Variants in SERPINA9 observed in about 807,000 individuals in gnomAD.
SERPINA9 encodes the protein serpin A9.
SERPINA9 carries 32 observed loss-of-function variants against 24.5 expected under a neutral mutation model. That is an observed-to-expected ratio of 1.30 (90% CI 0.98 to 1.75). The LOEUF (loss-of-function observed/expected upper bound fraction) is 1.75. Among genes scored for constraint, SERPINA9 ranks in the 40% most tolerant of loss-of-function variants. The pLI is 0.00. For missense variants in SERPINA9, 594 were observed against 497.1 expected (o/e 1.19, Z -1.85); for synonymous variants, 233 against 197.7 (o/e 1.18, Z -1.50).
At chr14:94,467,593 G>C (rs76390590) in intron 2 of SERPINA9, among the ~76,000 whole-genome samples, 1 of 152,186 alleles carries the variant, frequency 6.6e-6, no homozygotes, top group Non-Finnish European at 1.5e-5. Flanking sequence ...CATGTGAATT[G>C]TATTTCAATT....
In SERPINA9 at chr14:94,469,263, C is replaced by A; in HGVS notation, c.578G>T (p.Gly193Val). Reference protein sequence around the residue: ...TQGKVVDIIQGLDLLTAMVLV... With the variant: ...TQGKVVDIIQVLDLLTAMVLV... ...AACCATGGCCGTCAGAAGGTCAAGG[C>A]CTTGGATTATGTCTACAACCTTCCC... The change falls in exon 2 of 5, where the codon GGC (glycine) becomes GTC (valine). Residue 193 changes from glycine (G) to valine (V), a missense_variant. Physicochemically the swap from Gly to Val is moderately radical, Grantham distance 109. Coordinates refer to ENST00000674397, the MANE Select transcript of SERPINA9 (RefSeq NM_175739.4). The A allele has an allele frequency of 6.2e-7, 1 of 1,614,008 alleles. No homozygotes were observed. The highest frequency in any genetic ancestry group is 8.5e-7 in the Non-Finnish European group (1 of 1,180,020).
chr14:94,476,166 C>G lies in SERPINA9; in HGVS notation c.-48G>C, dbSNP rs1899641930. The G allele has an allele frequency of 6.2e-7, 1 of 1,614,174 alleles. No individual in the cohort carries two copies. Among genetic ancestry groups the G allele is most frequent in the Non-Finnish European group, 8.5e-7 (1 of 1,180,040 alleles). On this transcript the variant is annotated 5_prime_UTR_variant, in exon 1 of 5. Transcript: ENST00000674397. ...CAGGTTCCTCTTCTCCTGCCCTGTC[C>G]TTGCATGGTTGGTGAGCCCTGACAC...
At chr14:94,473,163 C>T (rs763421795) in intron 1 of SERPINA9, among the ~76,000 whole-genome samples, 3 of 152,204 alleles carry the variant, frequency 2.0e-5, no homozygotes, top group Non-Finnish European at 4.4e-5. Flanking sequence ...GGAAAAGTGC[C>T]CAATGTATGG....
intron 1 of SERPINA9, among the ~76,000 whole-genome samples, chr14:94,472,459 C>T (rs959664829): frequency 2.0e-5 from 3 of 152,208 alleles, no homozygotes; most frequent in South Asian, 2.1e-4. Flanking sequence ...GAAATTTACT[C>T]GACTTCTATT....
At chr14:94,464,923 C>T (rs1424059119) in intron 3 of SERPINA9, 69 bp from the exon 4 acceptor site, 4 of 1,363,458 alleles carry the variant, frequency 2.9e-6, no homozygotes, top group Admixed American at 2.3e-5. Context: ...CTCCTAGATG[C>T]CATTTTGGGA....
At chr14:94,475,458 A>G (rs1184075397) in intron 1 of SERPINA9, among the ~76,000 whole-genome samples, 1 of 151,916 alleles carries the variant, frequency 6.6e-6, no homozygotes, top group African/African-American at 2.4e-5. Flanking sequence ...ACACACACAC[A>G]CACACTGAGC....
Position 94,467,189 on chromosome 14 carries a change from A to G in SERPINA9, c.822T>C (p.Pro274=). ...CCAGTTGCCTCATCTTGCCCTTGCT[A>G]GGGAGGACAAAGAAGGCCACGGCAT... ...KGDAVAFFVL[P]SKGKMRQLEQ... The change falls in exon 3 of 5, where the codon CCT becomes CCC. Residue 274 remains proline (P), a synonymous_variant. Transcript: ENST00000674397. The G allele has an allele frequency of 6.2e-7, 1 of 1,614,184 alleles. No homozygotes were observed. The highest frequency in any genetic ancestry group is 2.2e-5 in the East Asian group (1 of 44,890).
At chr14:94,473,285 G>C (rs755635695) in intron 1 of SERPINA9, among the ~76,000 whole-genome samples, 1 of 152,098 alleles carries the variant, frequency 6.6e-6, no homozygotes, top group East Asian at 1.9e-4. Context: ...TAGCACTTTC[G>C]AGGCAGGTGG....
intron 3 of SERPINA9, among the ~76,000 whole-genome samples, chr14:94,466,498 T>C (rs1372617427): frequency 6.6e-6 from 1 of 152,190 alleles, no homozygotes; most frequent in Non-Finnish European, 1.5e-5. Flanking sequence ...ATGCCAAAAA[T>C]ATATTGCTAA....
Position 94,476,143 on chromosome 14 carries a change from G to C in SERPINA9, c.-25C>G. On this transcript the variant is annotated 5_prime_UTR_variant, in exon 1 of 5. Coordinates refer to ENST00000674397, the MANE Select transcript of SERPINA9 (RefSeq NM_175739.4). The stretch of plus-strand genomic sequence containing the variant: ...CACCTCCTCCTTACCCACCTTTGCA[G>C]GTTCCTCTTCTCCTGCCCTGTCCTT... 1 of 1,614,110 alleles carries C rather than the reference G, an allele frequency of 6.2e-7. No homozygotes were observed. Among genetic ancestry groups the C allele is most frequent in the Non-Finnish European group, 8.5e-7 (1 of 1,180,034 alleles).
At chr14:94,464,618 G>T in intron 4 of SERPINA9, 89 bp downstream of exon 4, 1 of 1,181,110 alleles carries the variant, frequency 8.5e-7, no homozygotes, top group Non-Finnish European at 1.2e-6. Flanking sequence ...TCAGGCCTCT[G>T]TTTCCTTATC....
intron 3 of SERPINA9, among the ~76,000 whole-genome samples, chr14:94,465,587 G>A (rs879497879): frequency 2.0e-5 from 3 of 152,106 alleles, no homozygotes; most frequent in Non-Finnish European, 2.9e-5. Flanking sequence ...GAGTGCAATG[G>A]CACAGTCTCT....
At chr14:94,468,739 A>T (rs1278519836) in intron 2 of SERPINA9, among the ~76,000 whole-genome samples, 1 of 152,196 alleles carries the variant, frequency 6.6e-6, no homozygotes, top group African/African-American at 2.4e-5. Flanking sequence ...TATGAAGGAG[A>T]CTTCATATAT....
rs45438398 is a variant in SERPINA9 at position 94,469,773 on chromosome 14, G to A, written c.68C>T (p.Pro23Leu). 0.11 allele frequency: 174,469 copies of A among 1,548,610 alleles called. 10,651 individuals are homozygous for A. Among genetic ancestry groups the A allele is most frequent in the Middle Eastern group, 0.17 (952 of 5,712 alleles). The change falls in exon 2 of 5, where the codon CCG becomes CTG. Residue 23 changes from proline to leucine, a missense_variant. Physicochemically the swap from Pro to Leu is moderately conservative, Grantham distance 98. Coordinates refer to ENST00000674397, the MANE Select transcript of SERPINA9 (RefSeq NM_175739.4). ...GLCAPIYCVS[P>L]ANAPSAYPRP... ...GGGGTATGCACTGGGGGCATTGGCC[G>A]GGGACACACAGTAGATTGGAGCACA...
At chr14:94,465,513 A>G (rs1165846049) in intron 3 of SERPINA9, among the ~76,000 whole-genome samples, 1 of 149,848 alleles carries the variant, frequency 6.7e-6, no homozygotes, top group Non-Finnish European at 1.5e-5. Context: ...AACCAAGAGT[A>G]AACAGCCCAC....
intron 2 of SERPINA9, 44 bp downstream of exon 2, chr14:94,469,169 C>T: frequency 6.5e-7 from 1 of 1,546,442 alleles, no homozygotes; most frequent in Non-Finnish European, 8.8e-7. Flanking sequence ...TCATCATCAT[C>T]ATCATAAAAT....
At chr14:94,465,728 C>T (rs1024816515) in intron 3 of SERPINA9, among the ~76,000 whole-genome samples, 14 of 152,082 alleles carry the variant, frequency 9.2e-5, no homozygotes, top group African/African-American at 1.9e-4. Context: ...AGGGTTTCAC[C>T]GTGTTGCCCA....
chr14:94,475,585 C>G (rs368245097), intron 1 of SERPINA9, among the ~76,000 whole-genome samples: 1 of 152,156 alleles, frequency 6.6e-6, no homozygotes, highest in African/African-American at 2.4e-5. Flanking sequence ...GCCCCTCTCT[C>G]TCCCCTACAC....
In SERPINA9 at chr14:94,462,721, T is replaced by G. The variant is rs969453806; in HGVS notation, c.*372A>C. 5 of 249,770 alleles carry G rather than the reference T, an allele frequency of 2.0e-5. No homozygotes were observed. The highest frequency in any genetic ancestry group is 6.8e-5 in the African/African-American group (3 of 44,358). 15.5% of individuals were successfully genotyped at this position (249,770 alleles called of 1,614,324 possible). A position where few individuals can be genotyped will look rare whatever the true frequency, so the allele number is the denominator to read the frequency against. ...AAATCATTTTCAGATTAGGACTCTG[T>G]TGACAGATGAATTCATATTTTAGTT... is the stretch of plus-strand genomic sequence containing the variant. On this transcript the variant is annotated 3_prime_UTR_variant, in exon 5 of 5. Coordinates refer to ENST00000674397, the MANE Select transcript of SERPINA9 (RefSeq NM_175739.4).
Sources: allele counts gnomAD v4.1 joint callset (sites outside exome capture counted in the v4.1 genomes callset), GRCh38; gene constraint gnomAD v4.1.1; transcripts MANE v1.5; gene names NCBI Gene and HGNC (gene_info 2026-07-23, HGNC 2026-07-21).